The following CAST variants were observed in gnomAD, a reference collection of about 807,000 sequenced individuals.
The protein encoded by CAST is MIR583 host.
In CAST, 76 loss-of-function variants were observed where a neutral mutation model predicts 119.6. That is an observed-to-expected ratio of 0.64 (90% CI 0.53 to 0.77). The LOEUF (loss-of-function observed/expected upper bound fraction) is 0.77. Ranked by LOEUF, CAST falls within the 30% of genes least tolerant of loss-of-function variation. The pLI is 0.00. For synonymous variants in CAST, 319 were observed against 331.6 expected (o/e 0.96, Z 0.41); for missense variants, 953 against 946.5 (o/e 1.01, Z -0.09).
intron 1 of CAST, among the ~76,000 whole-genome samples, chr5:96,600,204 A>T (rs2150193806): frequency 6.6e-6 from 1 of 152,342 alleles, no homozygotes; most frequent in South Asian, 2.1e-4. Context: ...ACCAACCAAG[A>T]TGCCTTTTAG....
chr5:96,687,937 C>T (rs940598252), intron 2 of CAST, among the ~76,000 whole-genome samples: 4 of 151,938 alleles, frequency 2.6e-5, no homozygotes, highest in Admixed American at 6.6e-5. Flanking sequence ...GAATGACTGG[C>T]GAATTTAAAA....
intron 1 of CAST, among the ~76,000 whole-genome samples, chr5:96,599,413 A>G (rs1221003673): frequency 6.6e-6 from 1 of 152,250 alleles, no homozygotes; most frequent in African/African-American, 2.4e-5. Flanking sequence ...ATCAAGTGGA[A>G]TATAAATGTA....
the CAST span, among the ~76,000 whole-genome samples, chr5:96,504,660 A>G: frequency 2.6e-5 from 4 of 152,216 alleles, no homozygotes; most frequent in East Asian, 7.7e-4. Context: ...CCCACTTGAA[A>G]TGTACAATTT....
the CAST span, among the ~76,000 whole-genome samples, chr5:96,437,979 T>G: frequency 6.6e-6 from 1 of 152,218 alleles, no homozygotes; most frequent in Non-Finnish European, 1.5e-5. Flanking sequence ...AGTACCACAC[T>G]GACAAGTCTC....
the CAST span, among the ~76,000 whole-genome samples, chr5:96,064,564 T>C: frequency 1.3e-5 from 2 of 152,192 alleles, no homozygotes; most frequent in African/African-American, 4.8e-5. Flanking sequence ...AATTACAGAA[T>C]GTGCCTAAAC....
chr5:96,511,315 T>G, the CAST span, among the ~76,000 whole-genome samples: 1 of 152,172 alleles, frequency 6.6e-6, no homozygotes, highest in East Asian at 1.9e-4. Context: ...TGGCTAATTT[T>G]TGTATTTTTA....
the CAST span, among the ~76,000 whole-genome samples, chr5:95,985,753 C>G: frequency 6.6e-6 from 1 of 152,126 alleles, no homozygotes; most frequent in Non-Finnish European, 1.5e-5. Flanking sequence ...CTTTAATGTT[C>G]TATTTAATAC....
chr5:96,095,696 A>G, the CAST span, among the ~76,000 whole-genome samples: 4 of 152,076 alleles, frequency 2.6e-5, no homozygotes, highest in South Asian at 8.3e-4. Context: ...CCAAAAAGAA[A>G]TTGCATCTGA....
intron 1 of CAST, among the ~76,000 whole-genome samples, chr5:96,576,815 A>T (rs1162456272): frequency 6.6e-6 from 1 of 151,950 alleles, no homozygotes; most frequent in East Asian, 1.9e-4. Flanking sequence ...AGTGGCCCTA[A>T]CTGACCTCTT....
At chr5:96,505,013 G>A in the CAST span, among the ~76,000 whole-genome samples, 1 of 152,198 alleles carries the variant, frequency 6.6e-6, no homozygotes, top group East Asian at 1.9e-4. Context: ...ACCAGTTGAT[G>A]GATCATTGAT....
the CAST span, among the ~76,000 whole-genome samples, chr5:96,383,158 GGCTGCTATTATGATGATCA>G: frequency 1.3e-5 from 2 of 152,126 alleles, no homozygotes; most frequent in African/African-American, 4.8e-5. Flanking sequence ...TTCTGACTTA[GGCTGCTATTATGATGATCA>G]GAAAGGCTTC....
At chr5:96,606,685 C>A (rs1265080489) in intron 1 of CAST, among the ~76,000 whole-genome samples, 2 of 152,214 alleles carry the variant, frequency 1.3e-5, no homozygotes, top group African/African-American at 4.8e-5. Context: ...AAGCTGGATG[C>A]TCCCAATCAC....
At chr5:96,740,926 G>A (rs1009246889) in intron 13 of CAST, 143 bp downstream of exon 13, 2 of 650,258 alleles carry the variant, frequency 3.1e-6, no homozygotes, top group Non-Finnish European at 5.5e-6. Context: ...TCAGAGAAAG[G>A]GGTTGGTGGG....
chr5:96,444,391 A>G, the CAST span, among the ~76,000 whole-genome samples: 1 of 152,164 alleles, frequency 6.6e-6, no homozygotes, highest in African/African-American at 2.4e-5. Flanking sequence ...CTATGTTTTG[A>G]TGTTTAAAGA....
the CAST span, among the ~76,000 whole-genome samples, chr5:96,268,691 T>C: frequency 6.6e-6 from 1 of 152,150 alleles, no homozygotes; most frequent in African/African-American, 2.4e-5. Context: ...GAAACCACCT[T>C]CATCTTTAAA....
At chr5:96,287,254 C>G in the CAST span, among the ~76,000 whole-genome samples, 1 of 152,068 alleles carries the variant, frequency 6.6e-6, no homozygotes, top group African/African-American at 2.4e-5. Flanking sequence ...CTCCCCTTTC[C>G]TTCCACTGTC....
intron 1 of CAST, among the ~76,000 whole-genome samples, chr5:96,592,857 T>C (rs1254693062): frequency 6.6e-6 from 1 of 151,942 alleles, no homozygotes; most frequent in Admixed American, 6.5e-5. Context: ...CTCCGCCTCC[T>C]GGGTTCATGC....
chr5:96,474,477 G>A, the CAST span, among the ~76,000 whole-genome samples: 2 of 152,152 alleles, frequency 1.3e-5, no homozygotes, highest in Non-Finnish European at 2.9e-5. Flanking sequence ...CTAAATTCTA[G>A]CCACAAGGAA....
chr5:96,662,282 T>C (rs980628252), upstream of CAST: 2 of 1,048,332 alleles, frequency 1.9e-6, no homozygotes, highest in African/African-American at 1.9e-5. Flanking sequence ...TGGGGTGGGG[T>C]CGGAAAAGCT....
Sources: gnomAD v4.1 joint callset for allele counts (sites outside exome capture counted in the v4.1 genomes callset) on GRCh38, gnomAD v4.1.1 for gene constraint, MANE v1.5 for transcripts, NCBI Gene and HGNC (gene_info 2026-07-23, HGNC 2026-07-21) for gene names.